The following LRRC8C variants were observed in gnomAD, a reference collection of about 807,000 sequenced individuals.
LRRC8C encodes the protein volume-regulated anion channel subunit LRRC8C.
In LRRC8C, 20 loss-of-function variants were observed where a neutral mutation model predicts 55.3. The observed-to-expected ratio is 0.36, with a 90% confidence interval of 0.25 to 0.53. LRRC8C has a LOEUF of 0.53. Ranked by LOEUF, LRRC8C falls within the 20% of genes least tolerant of loss-of-function variation. LRRC8C has a pLI of 0.92. For missense variants in LRRC8C, 659 were observed against 951.4 expected (o/e 0.69, Z 4.04); for synonymous variants, 376 against 360.7 (o/e 1.04, Z -0.48).
chr1:89,674,891 C>T (rs749563599), intron 1 of LRRC8C, among the ~76,000 whole-genome samples: 4 of 152,204 alleles, frequency 2.6e-5, no homozygotes, highest in Non-Finnish European at 2.9e-5. Context: ...CAGTCTCTCA[C>T]TTTAAACATC....
intron 1 of LRRC8C, among the ~76,000 whole-genome samples, chr1:89,677,846 T>C (rs887159866): frequency 6.6e-6 from 1 of 152,220 alleles, no homozygotes; most frequent in African/African-American, 2.4e-5. Context: ...AACTGTACAA[T>C]AAAACACAAT....
At chr1:89,704,080 A>G (rs1160225204) in intron 2 of LRRC8C, among the ~76,000 whole-genome samples, 1 of 152,148 alleles carries the variant, frequency 6.6e-6, no homozygotes, top group Admixed American at 6.5e-5. Flanking sequence ...TACACTCTTT[A>G]TCTAAACAAG....
chr1:89,666,007 G>A (rs748718466), intron 1 of LRRC8C, among the ~76,000 whole-genome samples: 2 of 152,150 alleles, frequency 1.3e-5, no homozygotes, highest in Non-Finnish European at 2.9e-5. Flanking sequence ...CTAGGAGCAA[G>A]AGGCCAAACC....
rs542286445 is a variant in LRRC8C, at chr1:89,685,211, C to T, written c.-4-1259C>T. Among the ~76,000 whole-genome samples the T allele has an allele frequency of 4.7e-3, 704 of 150,282 alleles. 4 individuals are homozygous for T. Among genetic ancestry groups the T allele is most frequent in the Middle Eastern group, 0.024 (7 of 290 alleles). Reference sequence around the variant, plus strand: ...TCGGCTCACTGCAAGCTCCGCTTCCCGGGTTCACGCCATTCTCCTGCCTCA... The same window carrying T: ...TCGGCTCACTGCAAGCTCCGCTTCCTGGGTTCACGCCATTCTCCTGCCTCA... On this transcript the variant is annotated intron_variant, in intron 1 of 2. Transcript: ENST00000370454.
chr1:89,671,551 C>T (rs12097782), intron 1 of LRRC8C, among the ~76,000 whole-genome samples: 1,768 of 152,238 alleles, frequency 0.012, 36 homozygotes, highest in African/African-American at 0.04. Flanking sequence ...TGCGTGTGTT[C>T]AGTCTCAGGA....
In LRRC8C at chr1:89,714,141, C is replaced by G. The variant is rs1361102713; in HGVS notation, c.1571C>G (p.Ser524Cys). 1.9e-6 allele frequency: 3 copies of G among 1,614,118 alleles called. No homozygotes were observed. Among genetic ancestry groups the G allele is most frequent in the South Asian group, 2.2e-5 (2 of 91,064 alleles). ...RNLEELYLVG[S>C]LSHDISRNVT... Reference sequence around the variant, plus strand: ...CTGGAAGAGCTGTACCTAGTTGGCTCTCTAAGTCATGATATTTCCAGAAAT... The same window carrying G: ...CTGGAAGAGCTGTACCTAGTTGGCTGTCTAAGTCATGATATTTCCAGAAAT... Residue 524 changes from serine to cysteine, a missense_variant, in exon 3 of 3, where the codon TCT (serine) becomes TGT (cysteine). Transcript: ENST00000370454. This position sits in a 1 kb window ranked among gnomAD's most constrained non-coding sequence, Gnocchi z 4.6.
At chr1:89,708,145 C>T (rs191881172) in intron 2 of LRRC8C, among the ~76,000 whole-genome samples, 1 of 151,906 alleles carries the variant, frequency 6.6e-6, no homozygotes, top group Admixed American at 6.6e-5. Flanking sequence ...AAAGGCACCA[C>T]GTAACTCCAT....
chr1:89,641,976 C>T (rs962696875), intron 1 of LRRC8C, among the ~76,000 whole-genome samples: 1 of 152,204 alleles, frequency 6.6e-6, no homozygotes, highest in Non-Finnish European at 1.5e-5. Context: ...TATGATATTG[C>T]ACAACCAGTA....
chr1:89,685,350 C>T (rs999138492), intron 1 of LRRC8C, among the ~76,000 whole-genome samples: 2 of 150,142 alleles, frequency 1.3e-5, no homozygotes, highest in African/African-American at 2.5e-5. Flanking sequence ...CTCCTGACCT[C>T]ATGATCCACC....
intron 2 of LRRC8C, among the ~76,000 whole-genome samples, chr1:89,695,113 G>A (rs1020501443): frequency 2.0e-5 from 3 of 151,570 alleles, no homozygotes; most frequent in Non-Finnish European, 4.4e-5. Flanking sequence ...GTAGAGATGG[G>A]GTTTCACCAT....
chr1:89,709,493 C>T (rs2101349848), intron 2 of LRRC8C, among the ~76,000 whole-genome samples: 1 of 152,316 alleles, frequency 6.6e-6, no homozygotes, highest in African/African-American at 2.4e-5. Context: ...TGCCCTTCAC[C>T]TGGGCACCCT....
At chr1:89,615,966 C>T in the LRRC8C span, among the ~76,000 whole-genome samples, 4 of 152,134 alleles carry the variant, frequency 2.6e-5, no homozygotes, top group African/African-American at 9.7e-5. Flanking sequence ...AAGGTGTTTG[C>T]TAGTGAGAAC....
intron 1 of LRRC8C, among the ~76,000 whole-genome samples, chr1:89,652,121 A>G (rs1437288910): frequency 6.6e-6 from 1 of 152,268 alleles, no homozygotes; most frequent in East Asian, 1.9e-4. Context: ...GTAAAACTGT[A>G]GGAATCTTTT....
chr1:89,644,336 G>T (rs1013914477), intron 1 of LRRC8C, among the ~76,000 whole-genome samples: 2 of 152,120 alleles, frequency 1.3e-5, no homozygotes, highest in African/African-American at 2.4e-5. Context: ...CACCGCACCC[G>T]GCTAATGTTT....
At chr1:89,635,056 T>G (rs749878720) in intron 1 of LRRC8C, among the ~76,000 whole-genome samples, 25 of 152,218 alleles carry the variant, frequency 1.6e-4, no homozygotes, top group Non-Finnish European at 2.8e-4. Flanking sequence ...ATTTCTCAGA[T>G]TAAGCACTTT....
chr1:89,713,681 G>T lies in LRRC8C; in HGVS notation c.1111G>T (p.Ala371Ser). Residue 371 changes from alanine (A) to serine (S), a missense_variant, in exon 3 of 3, where the codon GCT (alanine) becomes TCT (serine). Physicochemically the swap from Ala to Ser is moderately conservative, Grantham distance 99 (BLOSUM62 1). Coordinates refer to ENST00000370454, the MANE Select transcript of LRRC8C (RefSeq NM_032270.5). This position sits in a 1 kb window ranked among gnomAD's most constrained non-coding sequence, Gnocchi z 5.2. ...TATTCCAGATGTGAAAAATGACTTT[G>T]CTTTTATGCTTCATATGATAGATCA... Reference protein sequence around the residue: ...DDIPDVKNDFAFMLHMIDQYD... With the variant: ...DDIPDVKNDFSFMLHMIDQYD... 6.2e-7 allele frequency: 1 copy of T among 1,614,138 alleles called. No homozygotes were observed. The highest frequency in any genetic ancestry group is 8.5e-7 in the Non-Finnish European group (1 of 1,180,024).
intron 1 of LRRC8C, among the ~76,000 whole-genome samples, chr1:89,663,826 G>A (rs988931415): frequency 1.3e-5 from 2 of 152,122 alleles, no homozygotes; most frequent in East Asian, 3.9e-4. Flanking sequence ...ATTCTAACTG[G>A]TGTGAGATGG....
chr1:89,714,729 G>C lies in LRRC8C; in HGVS notation c.2159G>C (p.Ser720Thr). 1 of 1,614,104 alleles carries C rather than the reference G, an allele frequency of 6.2e-7. No individual in the cohort carries two copies. Among genetic ancestry groups the C allele is most frequent in the Non-Finnish European group, 8.5e-7 (1 of 1,179,970 alleles). ...YFSITCNKVE[S>T]LPDELYFCKK... ...TCCATCACATGTAACAAAGTGGAAA[G>C]CCTTCCAGATGAACTCTACTTCTGC... The change falls in exon 3 of 3, where the codon AGC (serine) becomes ACC (threonine). Residue 720 changes from serine (S) to threonine (T), a missense_variant. Coordinates refer to ENST00000370454, the MANE Select transcript of LRRC8C (RefSeq NM_032270.5). The surrounding 1 kb of genome is among the most constrained non-coding windows in gnomAD (Gnocchi z 4.6).
intron 2 of LRRC8C, among the ~76,000 whole-genome samples, chr1:89,696,803 A>G (rs1361692809): frequency 6.6e-6 from 1 of 152,168 alleles, no homozygotes; most frequent in Non-Finnish European, 1.5e-5. Context: ...TTCACCTAGA[A>G]AGAAGTAAGG....
Sources: allele counts gnomAD v4.1 joint callset (sites outside exome capture counted in the v4.1 genomes callset), GRCh38; gene constraint gnomAD v4.1.1; non-coding constraint Gnocchi (gnomAD v3.1); transcripts MANE v1.5; gene names NCBI Gene and HGNC (gene_info 2026-07-23, HGNC 2026-07-21).